SLC35F4: variants seen among roughly 807,000 people sequenced by gnomAD.
SLC35F4 encodes the protein solute carrier family 35 member F4, also known as chromosome 14 open reading frame 36.
A neutral mutation model predicts 44.2 loss-of-function variants in SLC35F4; 24 were observed. The ratio of observed to expected loss-of-function variants is 0.54; its 90% CI spans 0.39 to 0.76. The LOEUF (loss-of-function observed/expected upper bound fraction) is 0.76, where lower values mean the gene tolerates loss of function less well. SLC35F4 is among the 30% of genes least tolerant of loss of function. The pLI, the probability that SLC35F4 is intolerant of heterozygous loss-of-function variation, is 0.00. For missense variants in SLC35F4, 562 were observed against 586.1 expected, an observed-to-expected ratio of 0.96 and a Z score of 0.42; for synonymous variants, 238 against 223.6, an observed-to-expected ratio of 1.06 and a Z score of -0.57.
chr14:57,872,950 C>A (rs1018993052), intron 1 of SLC35F4, among the ~76,000 whole-genome samples: 1 of 152,222 alleles, frequency 6.6e-6, no homozygotes, highest in Non-Finnish European at 1.5e-5. Context: ...GCACATACCC[C>A]TGCTCCACCA....
intron 1 of SLC35F4, among the ~76,000 whole-genome samples, chr14:57,650,889 A>AC (rs2140199789): frequency 6.6e-6 from 1 of 152,204 alleles, no homozygotes; most frequent in African/African-American, 2.4e-5. Context: ...TGTGCCTGGA[A>AC]CCCTTCCTCA....
intron 1 of SLC35F4, among the ~76,000 whole-genome samples, chr14:57,956,356 A>C (rs888187472): frequency 2.0e-5 from 3 of 152,220 alleles, no homozygotes; most frequent in Non-Finnish European, 2.9e-5. Flanking sequence ...AACCTAGGCA[A>C]TACCATTCAG....
intron 1 of SLC35F4, among the ~76,000 whole-genome samples, chr14:57,816,533 A>G (rs566891002): frequency 1.3e-5 from 2 of 152,316 alleles, no homozygotes; most frequent in African/African-American, 4.8e-5. Context: ...ATCTCTTAAC[A>G]TTTTGTAGAT....
intron 1 of SLC35F4, among the ~76,000 whole-genome samples, chr14:57,618,310 G>A (rs965060159): frequency 2.6e-5 from 4 of 152,224 alleles, no homozygotes; most frequent in Non-Finnish European, 5.9e-5. Context: ...GAAGGTGGGT[G>A]ATTTCAGCAT....
chr14:57,587,460 C>A (rs550441057), intron 3 of SLC35F4, among the ~76,000 whole-genome samples: 1 of 152,182 alleles, frequency 6.6e-6, no homozygotes, highest in Non-Finnish European at 1.5e-5. Context: ...AAGATGAGTT[C>A]GTGTCCTTTG....
At chr14:57,888,073 G>T (rs1418299364) in intron 1 of SLC35F4, among the ~76,000 whole-genome samples, 7 of 152,126 alleles carry the variant, frequency 4.6e-5, no homozygotes, top group Admixed American at 4.6e-4. Flanking sequence ...CTTCATTGTA[G>T]AAGACCCACT....
intron 1 of SLC35F4, among the ~76,000 whole-genome samples, chr14:57,915,455 C>T (rs1005048988): frequency 5.3e-5 from 8 of 152,138 alleles, no homozygotes; most frequent in African/African-American, 1.9e-4. Context: ...CAAATATTTC[C>T]ATTCTGCTTC....
chr14:57,716,467 G>A (rs2075947247), intron 1 of SLC35F4, among the ~76,000 whole-genome samples: 1 of 152,048 alleles, frequency 6.6e-6, no homozygotes, highest in African/African-American at 2.4e-5. Flanking sequence ...AGAACACTAG[G>A]CATAAATGGA....
intron 1 of SLC35F4, among the ~76,000 whole-genome samples, chr14:57,742,747 C>T (rs1335383560): frequency 6.6e-6 from 1 of 152,168 alleles, no homozygotes; most frequent in South Asian, 2.1e-4. Flanking sequence ...CAGAACTCTC[C>T]ACCCCAAATC....
chr14:57,706,371 A>C (rs1446493804), intron 1 of SLC35F4, among the ~76,000 whole-genome samples: 1 of 152,178 alleles, frequency 6.6e-6, no homozygotes, highest in Admixed American at 6.5e-5. Flanking sequence ...AACTTCAAAA[A>C]TTGGACATGT....
intron 1 of SLC35F4, chr14:57,596,867 T>C: frequency 7.3e-7 from 1 of 1,367,650 alleles, no homozygotes; most frequent in Non-Finnish European, 9.8e-7. Context: ...CTGGTCAGTT[T>C]GTGGAAGAGA....
intron 1 of SLC35F4, among the ~76,000 whole-genome samples, chr14:57,697,907 G>C (rs1360196221): frequency 6.6e-6 from 1 of 152,110 alleles, no homozygotes; most frequent in South Asian, 2.1e-4. Context: ...TCTACTTTTT[G>C]TCTGTAAGGT....
chr14:57,620,320 C>T (rs1473269891), intron 1 of SLC35F4, among the ~76,000 whole-genome samples: 1 of 152,108 alleles, frequency 6.6e-6, no homozygotes, highest in African/African-American at 2.4e-5. Flanking sequence ...AAGGGAAGCC[C>T]ATCAGACTAA....
intron 5 of SLC35F4, among the ~76,000 whole-genome samples, chr14:57,571,309 A>G (rs1350243648): frequency 6.6e-6 from 1 of 152,202 alleles, no homozygotes; most frequent in Non-Finnish European, 1.5e-5. Flanking sequence ...GGAGAAAAAA[A>G]TGGTGGGTAC....
chr14:57,629,838 C>T, intron 1 of SLC35F4: 6 of 332,118 alleles, frequency 1.8e-5, no homozygotes, highest in South Asian at 5.0e-5. Context: ...GGAGGATCGG[C>T]AGCCGGAGAT....
At chr14:57,981,113 C>T (rs1390666105) in intron 1 of SLC35F4, among the ~76,000 whole-genome samples, 4 of 152,228 alleles carry the variant, frequency 2.6e-5, no homozygotes, top group South Asian at 2.1e-4. Context: ...CCAAAGACAA[C>T]AGCCCGGGCA....
intron 1 of SLC35F4, among the ~76,000 whole-genome samples, chr14:57,826,300 G>C (rs907998467): frequency 3.3e-5 from 5 of 152,170 alleles, no homozygotes; most frequent in Non-Finnish European, 7.3e-5. Context: ...TGGAAGAGCT[G>C]GCTGGCCATA....
chr14:57,722,456 T>C (rs1035312914), intron 1 of SLC35F4, among the ~76,000 whole-genome samples: 2 of 152,126 alleles, frequency 1.3e-5, no homozygotes, highest in African/African-American at 4.8e-5. Context: ...CCTTGCAAAA[T>C]AGATTTGTGA....
chr14:57,574,753 C>A (rs2068692815), intron 4 of SLC35F4, among the ~76,000 whole-genome samples: 1 of 152,096 alleles, frequency 6.6e-6, no homozygotes, highest in South Asian at 2.1e-4. Flanking sequence ...TTTGGGTGAT[C>A]TCAGAATGGC....
Sources: allele counts gnomAD v4.1 joint callset (sites outside exome capture counted in the v4.1 genomes callset), GRCh38; gene constraint gnomAD v4.1.1; transcripts MANE v1.5; gene names NCBI Gene and HGNC (gene_info 2026-07-23, HGNC 2026-07-21).